Variants in TNFRSF11A observed in about 807,000 individuals in gnomAD.
TNFRSF11A encodes the protein TNF receptor superfamily member 11a.
In TNFRSF11A, 32 loss-of-function variants were observed where a neutral mutation model predicts 55.7. That is an observed-to-expected ratio of 0.57 (90% CI 0.43 to 0.77). TNFRSF11A has a LOEUF of 0.77. TNFRSF11A is among the 30% of genes least tolerant of loss of function. The pLI, the probability that TNFRSF11A is intolerant of heterozygous loss-of-function variation, is 0.00. For missense variants in TNFRSF11A, 753 were observed against 809.8 expected (o/e 0.93, Z 0.85); for synonymous variants, 311 against 331.0 (o/e 0.94, Z 0.65).
At chr18:62,349,081 C>T (rs2046426679) in intron 2 of TNFRSF11A, among the ~76,000 whole-genome samples, 1 of 151,944 alleles carries the variant, frequency 6.6e-6, no homozygotes, top group Admixed American at 6.5e-5. Flanking sequence ...GATGAAGTTC[C>T]TCTTGCCTAC....
intron 6 of TNFRSF11A, 98 bp from the exon 7 acceptor site, chr18:62,361,582 A>G: frequency 8.1e-7 from 1 of 1,241,014 alleles, no homozygotes; most frequent in Non-Finnish European, 1.2e-6. Context: ...CCAGACCAAC[A>G]TTTTTGATTC....
chr18:62,364,207 G>T (rs959089519), intron 7 of TNFRSF11A, among the ~76,000 whole-genome samples: 5 of 152,158 alleles, frequency 3.3e-5, no homozygotes, highest in African/African-American at 1.2e-4. Context: ...CTAGACAAGG[G>T]GCATCAGGAG....
chr18:62,363,457 C>T (rs1230574528), intron 7 of TNFRSF11A, among the ~76,000 whole-genome samples: 1 of 151,046 alleles, frequency 6.6e-6, no homozygotes, highest in Non-Finnish European at 1.5e-5. Flanking sequence ...CAACCTCCGC[C>T]TCCTGGGTTG....
At chr18:62,336,682 A>G (rs1306266277) in intron 1 of TNFRSF11A, 5 of 152,296 alleles carry the variant, frequency 3.3e-5, no homozygotes, top group African/African-American at 1.2e-4. Context: ...ATAGGGGTGC[A>G]TCGTAACATA....
At chr18:62,378,511 G>GT (rs1911049990) in intron 9 of TNFRSF11A, among the ~76,000 whole-genome samples, 1 of 152,220 alleles carries the variant, frequency 6.6e-6, no homozygotes, top group Non-Finnish European at 1.5e-5. Flanking sequence ...ACTCTTCAGT[G>GT]TATTTCATGA....
At chr18:62,381,808 T>A (rs540377980) in intron 9 of TNFRSF11A, among the ~76,000 whole-genome samples, 20 of 152,350 alleles carry the variant, frequency 1.3e-4, no homozygotes, top group South Asian at 2.1e-4. Flanking sequence ...GTGCTTTTTT[T>A]AAAAAATTGA....
At chr18:62,361,879 C>T in intron 7 of TNFRSF11A, 86 bp downstream of exon 7, 3 of 1,204,400 alleles carry the variant, frequency 2.5e-6, no homozygotes, top group East Asian at 4.7e-5. Context: ...AGATTGTCTA[C>T]TTGCTGCCTA....
At chr18:62,345,920 G>A (rs1268004359) in intron 1 of TNFRSF11A, among the ~76,000 whole-genome samples, 1 of 152,176 alleles carries the variant, frequency 6.6e-6, no homozygotes, top group East Asian at 1.9e-4. Context: ...CTGAGTTGGA[G>A]GATAGGTGGG....
At chr18:62,346,039 C>T (rs2145281769) in intron 1 of TNFRSF11A, among the ~76,000 whole-genome samples, 1 of 152,296 alleles carries the variant, frequency 6.6e-6, no homozygotes. Context: ...CAGCTTGTGA[C>T]ATCTGACAGT....
At chr18:62,353,031 T>A (rs1165077159) in intron 3 of TNFRSF11A, among the ~76,000 whole-genome samples, 1 of 152,190 alleles carries the variant, frequency 6.6e-6, no homozygotes, top group Non-Finnish European at 1.5e-5. Context: ...TATTGTTTTG[T>A]ATCATGTTGG....
chr18:62,366,493 G>A (rs1030093720), intron 7 of TNFRSF11A, among the ~76,000 whole-genome samples: 1 of 152,172 alleles, frequency 6.6e-6, no homozygotes, highest in African/African-American at 2.4e-5. Context: ...TGCTAAATTT[G>A]TAGATTTTAG....
At chr18:62,378,355 G>A (rs1911039567) in intron 9 of TNFRSF11A, among the ~76,000 whole-genome samples, 1 of 152,204 alleles carries the variant, frequency 6.6e-6, no homozygotes, top group Non-Finnish European at 1.5e-5. Flanking sequence ...GAATTATATA[G>A]ATGAGTGTTG....
chr18:62,376,676 C>A (rs912779031), intron 9 of TNFRSF11A, among the ~76,000 whole-genome samples: 17 of 152,152 alleles, frequency 1.1e-4, no homozygotes, highest in Non-Finnish European at 2.2e-4. Flanking sequence ...CATGCATCCA[C>A]CATGATAGTC....
chr18:62,369,599 G>A, intron 9 of TNFRSF11A, 115 bp downstream of exon 9: 1 of 1,347,092 alleles, frequency 7.4e-7, no homozygotes. Context: ...ACCTCAGCTT[G>A]TGCTTTTTCT....
intron 9 of TNFRSF11A, chr18:62,378,100 T>C (rs1911021197): frequency 6.6e-6 from 1 of 152,216 alleles, no homozygotes; most frequent in South Asian, 2.1e-4. Flanking sequence ...GCTGCCAACA[T>C]GGTGACCTAT....
At chr18:62,373,301 T>TA (rs540727115) in intron 9 of TNFRSF11A, among the ~76,000 whole-genome samples, 32 of 151,664 alleles carry the variant, frequency 2.1e-4, no homozygotes, top group Non-Finnish European at 2.2e-4. Flanking sequence ...CTACTAAAAA[T>TA]AAAAAAAATT....
chr18:62,361,874 G>A lies in TNFRSF11A; in HGVS notation c.730+81G>A, dbSNP rs577362448. 6.6e-6 allele frequency: 8 copies of A among 1,217,994 alleles called. No homozygotes were observed. The South Asian group carries it at 9.7e-5, about 15-fold the overall frequency. The allele number at this position is 1,217,994 out of a possible 1,614,324, so 75.4% of individuals were successfully genotyped here. ...AAATGCTTTGGAAGTTGAGTAGATT[G>A]TCTACTTGCTGCCTATGGTGATCTG... On this transcript the variant is annotated intron_variant, in intron 7 of 9. Coordinates refer to ENST00000586569, the MANE Select transcript of TNFRSF11A (RefSeq NM_003839.4).
intron 1 of TNFRSF11A, among the ~76,000 whole-genome samples, chr18:62,333,890 A>G (rs1160495552): frequency 2.7e-5 from 4 of 149,590 alleles, no homozygotes; most frequent in African/African-American, 4.9e-5. Context: ...TTTGAGAAGG[A>G]GTCTCACTCT....
At chr18:62,351,348 T>C (rs2046469306) in intron 3 of TNFRSF11A, among the ~76,000 whole-genome samples, 1 of 152,210 alleles carries the variant, frequency 6.6e-6, no homozygotes, top group South Asian at 2.1e-4. Flanking sequence ...TCTTATAAAT[T>C]GGTTGTTAGC....
Sources: gnomAD v4.1 joint callset for allele counts (sites outside exome capture counted in the v4.1 genomes callset) on GRCh38, gnomAD v4.1.1 for gene constraint, MANE v1.5 for transcripts, NCBI Gene and HGNC (gene_info 2026-07-23, HGNC 2026-07-21) for gene names.